The following PARD3 variants were observed in gnomAD, a reference collection of about 807,000 sequenced individuals.
The protein encoded by PARD3 is par-3 family cell polarity regulator.
PARD3 carries 75 observed loss-of-function variants against 155.4 expected under a neutral mutation model. That is an observed-to-expected ratio of 0.48 (90% confidence interval 0.40 to 0.58). The LOEUF is 0.58. Ranked by LOEUF, PARD3 falls within the 20% of genes least tolerant of loss-of-function variation. The probability of loss-of-function intolerance (pLI) is 0.00; values close to 1 mark genes in which losing one functional copy is unlikely to be tolerated. For synonymous variants in PARD3, 576 were observed against 610.5 expected (o/e 0.94, Z 0.83); for missense variants, 1,642 against 1,721.7 (o/e 0.95, Z 0.82).
At chr10:34,345,261 C>G (rs958004539) in intron 15 of PARD3, 1 of 985,214 alleles carries the variant, frequency 1.0e-6, no homozygotes, top group Non-Finnish European at 1.2e-6. Flanking sequence ...AAGGCTCTTC[C>G]TTTTGGGGTG....
In PARD3 at chr10:34,470,151, G is replaced by A. The variant is rs777688920; in HGVS notation, c.516C>T (p.Arg172=). 1.2e-6 allele frequency: 2 copies of A among 1,613,510 alleles called. No individual in the cohort carries two copies. Among genetic ancestry groups the A allele is most frequent in the South Asian group, 2.2e-5 (2 of 90,832 alleles). The change falls in exon 4 of 25, where the codon CGC becomes CGT. Residue 172 remains arginine (R), a synonymous_variant. Transcript: ENST00000374788. ...TGAGGAAGCCAGCTGTTGTTGACCA[G>A]CGTGTGGGATTTTTCCTTGAAGGCT... ...SEEPSRKNPT[R]WSTTAGFLKQ...
Position 34,269,658 on chromosome 10 carries a change from T to C in PARD3, c.3418A>G (p.Ser1140Gly), listed in dbSNP as rs1351712813. 1 of 1,613,362 alleles carries C rather than the reference T, an allele frequency of 6.2e-7. No individual in the cohort carries two copies. Among genetic ancestry groups the C allele is most frequent in the Non-Finnish European group, 8.5e-7 (1 of 1,179,430 alleles). Residue 1140 changes from serine to glycine, a missense_variant and splice_region_variant, in exon 22 of 25, where the codon AGT becomes GGT. Ser to Gly is a moderately conservative substitution (Grantham distance 56). This residue lies in a region of PARD3 where 1,529 missense variants were observed against 1,587.3 expected (regional missense o/e 0.96). Coordinates refer to ENST00000374788, the MANE Select transcript of PARD3 (RefSeq NM_001184785.2). ...ACCACGATTGCCCCTGGCGCCTACC[T>C]GTCTACAGGTGAGGGTTTGGAATTC... ...PRNSKPSPVD[S>G]NRSTPSNHDR...
At chr10:34,451,877 G>C (rs1490836141) in intron 4 of PARD3, among the ~76,000 whole-genome samples, 2 of 150,532 alleles carry the variant, frequency 1.3e-5, no homozygotes, top group African/African-American at 2.4e-5. Flanking sequence ...AAGATACTAA[G>C]AGTCTCTCCT....
chr10:34,261,781 A>G (rs200141318), intron 22 of PARD3, among the ~76,000 whole-genome samples: 286 of 132,034 alleles, frequency 2.2e-3, no homozygotes, highest in Non-Finnish European at 3.5e-3. Flanking sequence ...AGAAAGAAAG[A>G]AAAGAAAGAA....
chr10:34,394,953 G>C (rs936153260), intron 7 of PARD3, among the ~76,000 whole-genome samples: 3 of 151,862 alleles, frequency 2.0e-5, no homozygotes, highest in Non-Finnish European at 4.4e-5. Flanking sequence ...AAAAAGCAAG[G>C]TTCTTCTGCC....
At chr10:34,579,554 C>CTGTGTGTGTG (rs554959827) in intron 2 of PARD3, among the ~76,000 whole-genome samples, 2,947 of 122,498 alleles carry the variant, frequency 0.024, 46 homozygotes, top group East Asian at 0.041. Flanking sequence ...ACCATTTTCT[C>CTGTGTGTGTG]TGTGTGTGTG....
chr10:34,224,825 T>A (rs1952505929), intron 22 of PARD3, among the ~76,000 whole-genome samples: 1 of 152,210 alleles, frequency 6.6e-6, no homozygotes, highest in Non-Finnish European at 1.5e-5. Flanking sequence ...TTATCCATCA[T>A]CCTGTTCAAG....
intron 2 of PARD3, among the ~76,000 whole-genome samples, chr10:34,660,038 G>A (rs543157974): frequency 3.3e-5 from 5 of 152,234 alleles, no homozygotes; most frequent in African/African-American, 1.2e-4. Context: ...TTTGTGGAAG[G>A]CAGAAAACAT....
intron 2 of PARD3, among the ~76,000 whole-genome samples, chr10:34,537,271 TG>T (rs1171723568): frequency 4.6e-5 from 7 of 152,232 alleles, no homozygotes; most frequent in African/African-American, 9.6e-5. Context: ...CCCAAAGCAC[TG>T]GGATGAGCCA....
At chr10:34,394,027 G>A (rs1843091247) in intron 7 of PARD3, among the ~76,000 whole-genome samples, 1 of 151,674 alleles carries the variant, frequency 6.6e-6, no homozygotes, top group Admixed American at 6.6e-5. Context: ...TAGTAGAGAT[G>A]GGGCTTCACC....
At chr10:34,144,539 G>A (rs1464363903) in intron 22 of PARD3, among the ~76,000 whole-genome samples, 1 of 152,118 alleles carries the variant, frequency 6.6e-6, no homozygotes, top group Non-Finnish European at 1.5e-5. Flanking sequence ...ATTACACAAA[G>A]CAAAAGCTAG....
chr10:34,556,819 C>T (rs546288634), intron 2 of PARD3, among the ~76,000 whole-genome samples: 1 of 152,128 alleles, frequency 6.6e-6, no homozygotes, highest in South Asian at 2.1e-4. Context: ...TCCCCTAGTC[C>T]ACTCTCCTGT....
chr10:34,345,845 G>C (rs1279735734), intron 15 of PARD3: 1 of 984,702 alleles, frequency 1.0e-6, no homozygotes, highest in Non-Finnish European at 1.2e-6. Context: ...GATTCTTACG[G>C]CCAAAGATAC....
intron 22 of PARD3, among the ~76,000 whole-genome samples, chr10:34,167,801 T>C (rs532687580): frequency 3.9e-5 from 6 of 152,290 alleles, no homozygotes; most frequent in African/African-American, 1.4e-4. Context: ...TTTTATAAGA[T>C]GTATTTAATT....
intron 4 of PARD3, among the ~76,000 whole-genome samples, chr10:34,459,170 CTT>C (rs1431893454): frequency 2.6e-5 from 4 of 152,018 alleles, no homozygotes; most frequent in Non-Finnish European, 5.9e-5. Context: ...ATTTCATTTT[CTT>C]TCTTTTTTTT....
rs59325614 is a variant in PARD3, at chr10:34,276,787, G to A, written c.3177-6888C>T. Among the ~76,000 whole-genome samples, 582 of 152,062 alleles carry A rather than the reference G, an allele frequency of 3.8e-3. 9 individuals carry two copies. Among genetic ancestry groups the A allele is most frequent in the African/African-American group, 0.013 (557 of 41,478 alleles). Reference sequence around the variant, plus strand: ...ACCAGTGGTGTCCTTAAACCTCTCAGTTACATACCAAATACCTCCATTTCC... The same window carrying A: ...ACCAGTGGTGTCCTTAAACCTCTCAATTACATACCAAATACCTCCATTTCC... On this transcript the variant is annotated intron_variant, in intron 21 of 24. Transcript: ENST00000374788.
At chr10:34,265,169 T>C (rs147414068) in intron 22 of PARD3, among the ~76,000 whole-genome samples, 4 of 152,304 alleles carry the variant, frequency 2.6e-5, no homozygotes, top group Non-Finnish European at 5.9e-5. Context: ...ACGACACTAA[T>C]AAACAGTAGT....
At chr10:34,127,805 CT>C in intron 23 of PARD3, among the ~76,000 whole-genome samples, 1 of 151,632 alleles carries the variant, frequency 6.6e-6, no homozygotes, top group Non-Finnish European at 1.5e-5. Flanking sequence ...GCTCATTACT[CT>C]TTTCAGCCTC....
chr10:34,172,980 G>A (rs919411349), intron 22 of PARD3, among the ~76,000 whole-genome samples: 3 of 152,086 alleles, frequency 2.0e-5, no homozygotes, highest in Non-Finnish European at 4.4e-5. Flanking sequence ...CTACTCCATC[G>A]GGAAATCCTT....
Sources: allele counts gnomAD v4.1 joint callset (sites outside exome capture counted in the v4.1 genomes callset), GRCh38; gene constraint gnomAD v4.1.1; regional missense constraint gnomAD v4.1.1; transcripts MANE v1.5; gene names NCBI Gene and HGNC (gene_info 2026-07-23, HGNC 2026-07-21).